Variants in KCTD21 observed in about 807,000 individuals in gnomAD.
KCTD21 encodes the protein BTB/POZ domain-containing protein KCTD21.
Under a neutral mutation model 13.2 loss-of-function variants are expected in KCTD21, and 9 were observed. The ratio of observed to expected loss-of-function variants is 0.68; its 90% confidence interval spans 0.41 to 1.19. The LOEUF (loss-of-function observed/expected upper bound fraction) is 1.19. KCTD21 is among the 50% of genes most tolerant of loss of function. KCTD21 has a pLI of 0.01. For synonymous variants in KCTD21, 142 were observed against 137.4 expected, an observed-to-expected ratio of 1.03 and a Z score of -0.23; for missense variants, 303 against 336.5, an observed-to-expected ratio of 0.90 and a Z score of 0.78.
In KCTD21 at chr11:78,183,860, C is replaced by A. The variant is rs567584361; in HGVS notation, c.-30+4713G>T. ...CCTTGTTAGCCAGGATGGTCTCGATCTCCTGACCTCGTGATCCGCCCGCCT... is the reference window on the plus strand; with the variant it reads ...CCTTGTTAGCCAGGATGGTCTCGATATCCTGACCTCGTGATCCGCCCGCCT... On this transcript the variant is annotated intron_variant, in intron 1 of 1. Transcript: ENST00000340067. 2.8e-4 allele frequency among the ~76,000 whole-genome samples: 43 copies of A among 152,162 alleles called. 3 individuals carry two copies. In the Middle Eastern group the frequency reaches 0.014, roughly 48 times the overall value.
intron 1 of KCTD21, chr11:78,177,635 G>T (rs1314382202): frequency 6.6e-6 from 1 of 152,246 alleles, no homozygotes; most frequent in African/African-American, 2.4e-5. Context: ...GTTTTCTTCT[G>T]GATAGAAATG....
chr11:78,182,305 C>A (rs963279351), intron 1 of KCTD21, among the ~76,000 whole-genome samples: 14 of 146,846 alleles, frequency 9.5e-5, no homozygotes, highest in South Asian at 4.3e-4. Flanking sequence ...GCACCCCCCC[C>A]CCCTCAAAAT....
intron 1 of KCTD21, chr11:78,174,837 G>A (rs776216994): frequency 1.2e-4 from 44 of 353,280 alleles, no homozygotes; most frequent in South Asian, 5.0e-4. Flanking sequence ...TGGGTCCCCC[G>A]CGCCCCCCTC....
At chr11:78,182,301 C>A (rs1007946763) in intron 1 of KCTD21, among the ~76,000 whole-genome samples, 32 of 141,290 alleles carry the variant, frequency 2.3e-4, no homozygotes, top group Middle Eastern at 3.6e-3. Flanking sequence ...CAAAGCACCC[C>A]CCCCCCCTCA....
intron 1 of KCTD21, among the ~76,000 whole-genome samples, chr11:78,179,321 C>T (rs1015622245): frequency 1.3e-5 from 2 of 151,966 alleles, no homozygotes; most frequent in Admixed American, 1.3e-4. Flanking sequence ...CACGTCTGCC[C>T]CTCTGCTACT....
chr11:78,175,982 T>C (rs1030446807), intron 1 of KCTD21, among the ~76,000 whole-genome samples: 2 of 151,656 alleles, frequency 1.3e-5, no homozygotes, highest in Non-Finnish European at 2.9e-5. Context: ...GAACATGCGG[T>C]GTTTGGTTTT....
chr11:78,173,647 T>A lies in KCTD21; in HGVS notation c.*125A>T. The A allele has an allele frequency of 1.2e-6, 1 of 800,990 alleles. No individual in the cohort carries two copies. Among genetic ancestry groups the A allele is most frequent in the Non-Finnish European group, 2.0e-6 (1 of 496,378 alleles). 49.6% of individuals were successfully genotyped at this position (800,990 alleles called of 1,614,324 possible). ...GGACTTCATCATGGGGGGAATCAAG[T>A]CCTGCTACACAATTAATACAGATTA... is the stretch of plus-strand genomic sequence containing the variant. On this transcript the variant is annotated 3_prime_UTR_variant, in exon 2 of 2. Transcript: ENST00000340067.
intron 1 of KCTD21, among the ~76,000 whole-genome samples, chr11:78,186,299 G>C (rs1197891687): frequency 6.8e-6 from 1 of 146,450 alleles, no homozygotes; most frequent in East Asian, 2.0e-4. Flanking sequence ...CTTGAGCCTG[G>C]GAGGTCAGGC....
chr11:78,186,689 C>A, intron 1 of KCTD21: 2 of 985,426 alleles, frequency 2.0e-6, no homozygotes, highest in Non-Finnish European at 2.4e-6. Flanking sequence ...ACTTTACAGA[C>A]CAACCATACT....
rs560053274 is a variant in KCTD21, at chr11:78,187,231, G to A, written c.-30+1342C>T. The A allele has an allele frequency of 2.4e-3, 2,408 of 985,358 alleles. 4 individuals are homozygous for A. The highest frequency in any genetic ancestry group is 2.8e-3 in the Non-Finnish European group (2,329 of 829,918). The allele number at this position is 985,358 out of a possible 1,614,324, so 61.0% of individuals were successfully genotyped here. A position where few individuals can be genotyped will look rare whatever the true frequency, so the allele number is the denominator to read the frequency against. On this transcript the variant is annotated intron_variant, in intron 1 of 1. Coordinates refer to ENST00000340067, the MANE Select transcript of KCTD21 (RefSeq NM_001029859.3). ...TACCCCACCGGAGAAAGGACTCTTT[G>A]CCTTGAAGCCCCTAGGACGACTACC...
At chr11:78,180,936 G>A (rs1191045781) in intron 1 of KCTD21, among the ~76,000 whole-genome samples, 2 of 152,078 alleles carry the variant, frequency 1.3e-5, no homozygotes, top group Non-Finnish European at 2.9e-5. Context: ...TTTATAAGGG[G>A]TTTCCCCCTT....
chr11:78,173,966 C>T lies in KCTD21; in HGVS notation c.589G>A (p.Glu197Lys). 1.2e-6 allele frequency: 2 copies of T among 1,614,066 alleles called. No homozygotes were observed. Among genetic ancestry groups the T allele is most frequent in the Non-Finnish European group, 1.7e-6 (2 of 1,180,024 alleles). ...AGGTTCTGCTTGGTGTACTCCTCCT[C>T]TGGCAGGCCCTCCACATTGGCCACC... is the stretch of plus-strand genomic sequence containing the variant. Reference protein sequence around the residue: ...DWVANVEGLPEEEYTKQNLKR... With the variant: ...DWVANVEGLPKEEYTKQNLKR... Residue 197 changes from glutamate (E) to lysine (K), a missense_variant, in exon 2 of 2, where the codon GAG (glutamate) becomes AAG (lysine). Glu to Lys is a moderately conservative substitution (Grantham distance 56). Coordinates refer to ENST00000340067, the MANE Select transcript of KCTD21 (RefSeq NM_001029859.3).
Position 78,174,294 on chromosome 11 carries a change from G to T in KCTD21, c.261C>A (p.Tyr87Ter). Reference sequence around the variant, plus strand: ...GGGCCTCAATCAGGGGCTGCACCTGGTAGAAGTCGGCCTCCCTGCGGAGCA... The same window carrying T: ...GGGCCTCAATCAGGGGCTGCACCTGTTAGAAGTCGGCCTCCCTGCGGAGCA... ...MGLLRREADF[Y>*]QVQPLIEALQ... The change falls in exon 2 of 2, where the codon TAC (tyrosine) becomes TAA (stop). Residue 87 changes from tyrosine (Y) to a stop codon, truncating the protein, a stop_gained. Transcript: ENST00000340067. LOFTEE classifies it high-confidence loss of function. 1 of 1,614,054 alleles carries T rather than the reference G, an allele frequency of 6.2e-7. No individual in the cohort carries two copies. Among genetic ancestry groups the T allele is most frequent in the Non-Finnish European group, 8.5e-7 (1 of 1,180,022 alleles).
rs1862277410 is a variant in KCTD21, at chr11:78,171,388, G to A, written c.*2384C>T. 1 of 152,664 alleles carries A rather than the reference G, an allele frequency of 6.6e-6. No individual in the cohort carries two copies. Among genetic ancestry groups the A allele is most frequent in the Non-Finnish European group, 1.5e-5 (1 of 68,056 alleles). 9.5% of individuals were successfully genotyped at this position (152,664 alleles called of 1,614,324 possible). A position where few individuals can be genotyped will look rare whatever the true frequency, so the allele number is the denominator to read the frequency against. On this transcript the variant is annotated 3_prime_UTR_variant, in exon 2 of 2. Transcript: ENST00000340067. ...AAATGGAGGTGGCTCAGTGAGGTGA[G>A]TGACTTGCATAAAGTCACACAGCAT... is the stretch of plus-strand genomic sequence containing the variant.
chr11:78,174,436 T>C lies in KCTD21; in HGVS notation c.119A>G (p.Lys40Arg), dbSNP rs1862384820. 1 of 1,613,932 alleles carries C rather than the reference T, an allele frequency of 6.2e-7. No homozygotes were observed. Among genetic ancestry groups the C allele is most frequent in the South Asian group, 1.1e-5 (1 of 91,078 alleles). Reference protein sequence around the residue: ...GAMFSGKMPTKRDSQGNCFID... With the variant: ...GAMFSGKMPTRRDSQGNCFID... ...GAAGCAGTTGCCCTGGCTGTCCCTC[T>C]TGGTGGGCATCTTCCCGCTGAACAT... The change falls in exon 2 of 2, where the codon AAG becomes AGG. Residue 40 changes from lysine to arginine, a missense_variant. Transcript: ENST00000340067.
At chr11:78,176,591 T>A (rs1027852755) in intron 1 of KCTD21, among the ~76,000 whole-genome samples, 1 of 152,148 alleles carries the variant, frequency 6.6e-6, no homozygotes, top group African/African-American at 2.4e-5. Context: ...GGCCCCAGTA[T>A]TACCCCCAGA....
In KCTD21 at chr11:78,183,910, C is replaced by A. The variant is rs575335934; in HGVS notation, c.-30+4663G>T. On this transcript the variant is annotated intron_variant, in intron 1 of 1. Coordinates refer to ENST00000340067, the MANE Select transcript of KCTD21 (RefSeq NM_001029859.3). ...TCGGCCTCCCAAAGTGCTGGGATTA[C>A]AGGCGTGAGCCACCGCACCCGGCCA... 7.2e-5 allele frequency among the ~76,000 whole-genome samples: 11 copies of A among 152,250 alleles called. No individual in the cohort carries two copies. The South Asian group carries it at 2.3e-3, about 32-fold the overall frequency.
At position 78,188,564 on chromosome 11, in the gene KCTD21, C is replaced by T. The variant is rs1862890726; in HGVS notation, c.-30+9G>A. 6 of 985,614 alleles carry T rather than the reference C, an allele frequency of 6.1e-6. No individual in the cohort carries two copies. The African/African-American group carries it at 7.0e-5, about 11-fold the overall frequency. 61.1% of individuals were successfully genotyped at this position (985,614 alleles called of 1,614,324 possible). A position where few individuals can be genotyped will look rare whatever the true frequency, so the allele number is the denominator to read the frequency against. Reference sequence around the variant, plus strand: ...CCGAGCCCCGCGACCCCGGCCGTGCCGCACCCACCTCCTGCCCTCGCTCTG... The same window carrying T: ...CCGAGCCCCGCGACCCCGGCCGTGCTGCACCCACCTCCTGCCCTCGCTCTG... On this transcript the variant is annotated intron_variant, in intron 1 of 1. Coordinates refer to ENST00000340067, the MANE Select transcript of KCTD21 (RefSeq NM_001029859.3).
Position 78,172,770 on chromosome 11 carries a change from G to A in KCTD21, c.*1002C>T, listed in dbSNP as rs1331546359. On this transcript the variant is annotated 3_prime_UTR_variant, in exon 2 of 2. Coordinates refer to ENST00000340067, the MANE Select transcript of KCTD21 (RefSeq NM_001029859.3). ...TAACAGTCAGCACTGTCCAACCACA[G>A]CAGGAGCTGCCTTGGGGATGGCGCG... 1 of 152,482 alleles carries A rather than the reference G, an allele frequency of 6.6e-6. No individual in the cohort carries two copies. The highest frequency in any genetic ancestry group is 2.4e-5 in the African/African-American group (1 of 41,450). 9.4% of individuals were successfully genotyped at this position (152,482 alleles called of 1,614,324 possible).
Sources: gnomAD v4.1 joint callset for allele counts (sites outside exome capture counted in the v4.1 genomes callset) on GRCh38, gnomAD v4.1.1 for gene constraint, MANE v1.5 for transcripts, NCBI Gene and HGNC (gene_info 2026-07-23, HGNC 2026-07-21) for gene names.